Variants in CNTNAP2 observed in about 807,000 individuals in gnomAD.
The protein encoded by CNTNAP2 is contactin-associated protein-like 2.
In CNTNAP2, 98 loss-of-function variants were observed where a neutral mutation model predicts 155.2. The observed-to-expected ratio is 0.63, with a 90% CI of 0.54 to 0.75. The LOEUF (loss-of-function observed/expected upper bound fraction) is 0.75. Among genes scored for constraint, CNTNAP2 ranks in the 30% least tolerant of loss-of-function variants. CNTNAP2 has a pLI of 0.00. For missense variants in CNTNAP2, 1,727 were observed against 1,688.1 expected, an observed-to-expected ratio of 1.02 and a Z score of -0.40; for synonymous variants, 651 against 631.2, an observed-to-expected ratio of 1.03 and a Z score of -0.47.
chr7:146,253,517 G>A (rs1288008953), intron 1 of CNTNAP2, among the ~76,000 whole-genome samples: 2 of 152,196 alleles, frequency 1.3e-5, no homozygotes, highest in African/African-American at 2.4e-5. Flanking sequence ...TACCTTAAGG[G>A]TCTTCTTTAT....
intron 2 of CNTNAP2, among the ~76,000 whole-genome samples, chr7:146,813,557 A>T (rs2129194362): frequency 6.6e-6 from 1 of 152,244 alleles, no homozygotes; most frequent in Non-Finnish European, 1.5e-5. Context: ...AAAGTAACTA[A>T]CTTGTTTTTG....
intron 15 of CNTNAP2, among the ~76,000 whole-genome samples, chr7:148,065,945 G>T (rs527943443): frequency 1.3e-5 from 2 of 152,242 alleles, no homozygotes; most frequent in East Asian, 3.9e-4. Context: ...TCAAGATTTA[G>T]AGCTCCTTGT....
At chr7:146,311,203 A>G (rs1800814968) in intron 1 of CNTNAP2, among the ~76,000 whole-genome samples, 1 of 152,224 alleles carries the variant, frequency 6.6e-6, no homozygotes, top group Non-Finnish European at 1.5e-5. Context: ...TTTACAAATA[A>G]ACATTTTTCC....
intron 14 of CNTNAP2, among the ~76,000 whole-genome samples, chr7:147,904,636 A>G (rs1799927941): frequency 6.6e-6 from 1 of 152,188 alleles, no homozygotes; most frequent in Non-Finnish European, 1.5e-5. Context: ...TACAAGACAA[A>G]TTCATTCCAC....
Position 147,131,615 on chromosome 7 carries a change from G to A in CNTNAP2, c.1084-630G>A, listed in dbSNP as rs142989360. 2.4e-3 allele frequency among the ~76,000 whole-genome samples: 370 copies of A among 151,882 alleles called. 1 individual carries two copies. Among genetic ancestry groups the A allele is most frequent in the African/African-American group, 8.5e-3 (351 of 41,414 alleles). ...CATTGTGATATAAGCACAATTCATG[G>A]GAATTTAAATGGGATTTTGAGTTGG... On this transcript the variant is annotated intron_variant, in intron 7 of 23. Coordinates refer to ENST00000361727, the MANE Select transcript of CNTNAP2 (RefSeq NM_014141.6).
intron 10 of CNTNAP2, among the ~76,000 whole-genome samples, chr7:147,480,795 G>T (rs1798408419): frequency 6.6e-6 from 1 of 152,118 alleles, no homozygotes; most frequent in African/African-American, 2.4e-5. Context: ...AGTGCGATGC[G>T]CTAGAGCCTT....
chr7:147,636,419 T>G (rs1035384457), intron 12 of CNTNAP2, among the ~76,000 whole-genome samples: 1 of 148,794 alleles, frequency 6.7e-6, no homozygotes, highest in Non-Finnish European at 1.5e-5. Flanking sequence ...TCTATTTAAC[T>G]TTTACTTTTT....
intron 1 of CNTNAP2, among the ~76,000 whole-genome samples, chr7:146,353,313 A>G (rs1274324575): frequency 6.6e-6 from 1 of 152,106 alleles, no homozygotes; most frequent in Non-Finnish European, 1.5e-5. Flanking sequence ...TCCTTAAAAC[A>G]CGGTCTTCAC....
intron 22 of CNTNAP2, among the ~76,000 whole-genome samples, chr7:148,392,363 C>T (rs570795543): frequency 1.3e-5 from 2 of 152,124 alleles, no homozygotes; most frequent in Non-Finnish European, 2.9e-5. Context: ...TGAGCCACTG[C>T]GCCTGGCCAC....
chr7:146,427,544 A>G (rs1796110690), intron 1 of CNTNAP2, among the ~76,000 whole-genome samples: 1 of 152,168 alleles, frequency 6.6e-6, no homozygotes, highest in Non-Finnish European at 1.5e-5. Flanking sequence ...GACACTAGAA[A>G]TCTAGCCATT....
chr7:146,665,788 A>AAAAAAAAACAAACAAAAAAAAAAAC, intron 1 of CNTNAP2, among the ~76,000 whole-genome samples: 1 of 142,124 alleles, frequency 7.0e-6, no homozygotes, highest in African/African-American at 2.7e-5. Flanking sequence ...CTCATTAAAA[A>AAAAAAAAACAAACAAAAAAAAAAAC]AAAAAAAAAA....
At chr7:148,134,456 G>A (rs370938779) in intron 16 of CNTNAP2, among the ~76,000 whole-genome samples, 2 of 152,070 alleles carry the variant, frequency 1.3e-5, no homozygotes, top group East Asian at 3.9e-4. Flanking sequence ...GCATGCCCTT[G>A]TTTTTAGCCA....
chr7:147,383,623 T>TG (rs934071853), intron 9 of CNTNAP2, among the ~76,000 whole-genome samples: 1 of 150,838 alleles, frequency 6.6e-6, no homozygotes, highest in African/African-American at 2.4e-5. Context: ...CCTGTCGGGG[T>TG]GGGGAGCAAG....
intron 9 of CNTNAP2, among the ~76,000 whole-genome samples, chr7:147,377,255 A>G (rs1796451392): frequency 6.6e-6 from 1 of 151,500 alleles, no homozygotes; most frequent in Non-Finnish European, 1.5e-5. Context: ...TTTCAAAAAT[A>G]CTTATTAAAT....
chr7:146,293,803 G>GA (rs1200740155), intron 1 of CNTNAP2, among the ~76,000 whole-genome samples: 1 of 151,886 alleles, frequency 6.6e-6, no homozygotes, highest in Non-Finnish European at 1.5e-5. Flanking sequence ...AAAAACTGTA[G>GA]AAAAAATAAT....
At chr7:147,085,327 A>C (rs1285625007) in intron 4 of CNTNAP2, among the ~76,000 whole-genome samples, 3 of 152,118 alleles carry the variant, frequency 2.0e-5, no homozygotes, top group Non-Finnish European at 4.4e-5. Context: ...CCACAGCATC[A>C]GAAGGTGCCC....
intron 1 of CNTNAP2, among the ~76,000 whole-genome samples, chr7:146,688,100 A>T (rs1033644202): frequency 6.6e-6 from 1 of 152,174 alleles, no homozygotes; most frequent in Non-Finnish European, 1.5e-5. Context: ...CCCCACATGG[A>T]GAGGGAATCC....
intron 8 of CNTNAP2, among the ~76,000 whole-genome samples, chr7:147,209,148 T>C (rs1803083715): frequency 6.6e-6 from 1 of 152,088 alleles, no homozygotes; most frequent in Admixed American, 6.6e-5. Flanking sequence ...TTGATAAGAA[T>C]AGCATTGAAT....
chr7:147,219,395 C>T (rs1256454843), intron 8 of CNTNAP2, among the ~76,000 whole-genome samples: 4 of 152,132 alleles, frequency 2.6e-5, no homozygotes, highest in Non-Finnish European at 5.9e-5. Flanking sequence ...ACCCAAGAGC[C>T]CCTGGTAAAT....
Sources: gnomAD v4.1 joint callset for allele counts (sites outside exome capture counted in the v4.1 genomes callset) on GRCh38, gnomAD v4.1.1 for gene constraint, MANE v1.5 for transcripts, NCBI Gene and HGNC (gene_info 2026-07-23, HGNC 2026-07-21) for gene names.